The following CLEC16A variants were observed in gnomAD, a reference collection of about 807,000 sequenced individuals.
CLEC16A encodes C-type lectin domain containing 16A.
In CLEC16A, 51 loss-of-function variants were observed where a neutral mutation model predicts 109.5. That is an observed-to-expected ratio of 0.47 (90% CI 0.37 to 0.59). The LOEUF (loss-of-function observed/expected upper bound fraction) is 0.59, where lower values mean the gene tolerates loss of function less well. Ranked by LOEUF, CLEC16A falls within the 20% of genes least tolerant of loss-of-function variation. The pLI, the probability that CLEC16A is intolerant of heterozygous loss-of-function variation, is 0.00. For synonymous variants in CLEC16A, 673 were observed against 564.2 expected (o/e 1.19, Z -2.73); for missense variants, 1,339 against 1,394.0 (o/e 0.96, Z 0.63).
Position 10,954,104 on chromosome 16 carries a change from T to C in CLEC16A, c.81-3678T>C, listed in dbSNP as rs558592336. 5.3e-5 allele frequency among the ~76,000 whole-genome samples: 8 copies of C among 152,252 alleles called. No homozygotes were observed. In the East Asian group the frequency reaches 1.2e-3, roughly 22 times the overall value. ...GAAGAAAGCCCCCACGCAATATCACTGCATACCCAGCAGATGGCGCCACCG... is the reference window on the plus strand; with the variant it reads ...GAAGAAAGCCCCCACGCAATATCACCGCATACCCAGCAGATGGCGCCACCG... On this transcript the variant is annotated intron_variant, in intron 1 of 23. Transcript: ENST00000409790. The surrounding 1 kb of genome is among the most constrained non-coding windows in gnomAD (Gnocchi z 4.2).
intron 22 of CLEC16A, among the ~76,000 whole-genome samples, chr16:11,157,770 A>C (rs1373047426): frequency 6.6e-6 from 1 of 152,044 alleles, no homozygotes; most frequent in African/African-American, 2.4e-5. Flanking sequence ...TCAGCCCCCA[A>C]CACGTGCTCT....
chr16:11,010,646 C>T (rs1365639587), intron 11 of CLEC16A, among the ~76,000 whole-genome samples: 1 of 152,182 alleles, frequency 6.6e-6, no homozygotes, highest in Non-Finnish European at 1.5e-5. Context: ...TGTTCTCATT[C>T]ATGAGCACAG....
chr16:10,984,785 G>T (rs991333134), intron 10 of CLEC16A, among the ~76,000 whole-genome samples: 1 of 152,182 alleles, frequency 6.6e-6, no homozygotes, highest in Non-Finnish European at 1.5e-5. Flanking sequence ...GAATCAGCAG[G>T]GCCTCCAGTT....
At chr16:11,133,369 T>A (rs1480007839) in intron 22 of CLEC16A, among the ~76,000 whole-genome samples, 2 of 151,872 alleles carry the variant, frequency 1.3e-5, no homozygotes, top group African/African-American at 4.8e-5. Context: ...TTTTTGACTC[T>A]CCTGAGTATC....
intron 20 of CLEC16A, 43 bp from the exon 21 acceptor site, chr16:11,123,699 C>T: frequency 3.1e-6 from 5 of 1,603,936 alleles, no homozygotes; most frequent in Non-Finnish European, 4.3e-6. Context: ...CACCCTCCTC[C>T]CAAACCCAAC....
intron 3 of CLEC16A, among the ~76,000 whole-genome samples, chr16:10,966,235 C>G (rs1159722575): frequency 6.6e-6 from 1 of 152,198 alleles, no homozygotes; most frequent in Non-Finnish European, 1.5e-5. Flanking sequence ...AAGGAATGAA[C>G]TACTACCATT....
At chr16:11,003,432 A>G (rs1367325211) in intron 11 of CLEC16A, 127 bp downstream of exon 11, 24 of 712,484 alleles carry the variant, frequency 3.4e-5, no homozygotes, top group Non-Finnish European at 5.5e-5. Flanking sequence ...TTCGATTCCT[A>G]CCTCACACTG....
chr16:11,074,984 G>C (rs2049268399), intron 19 of CLEC16A, among the ~76,000 whole-genome samples: 1 of 152,152 alleles, frequency 6.6e-6, no homozygotes, highest in South Asian at 2.1e-4. Context: ...ACCAGCCTGG[G>C]CAGCATAGTG....
intron 19 of CLEC16A, among the ~76,000 whole-genome samples, chr16:11,066,052 C>T (rs1470271196): frequency 6.6e-6 from 1 of 152,188 alleles, no homozygotes; most frequent in African/African-American, 2.4e-5. Context: ...AGCATGGACT[C>T]AGGGGCCAGA....
At chr16:11,137,810 A>G (rs1162517282) in intron 22 of CLEC16A, among the ~76,000 whole-genome samples, 1 of 152,034 alleles carries the variant, frequency 6.6e-6, no homozygotes, top group African/African-American at 2.4e-5. Flanking sequence ...CTCCCTCTCA[A>G]AAAAAAGGGA....
intron 1 of CLEC16A, among the ~76,000 whole-genome samples, chr16:10,947,532 C>T (rs573090514): frequency 6.6e-5 from 10 of 152,168 alleles, no homozygotes; most frequent in South Asian, 4.1e-4. Context: ...GGGCGGGAGG[C>T]GGAGCACTGT....
At chr16:11,028,118 C>G (rs1254437949) in intron 13 of CLEC16A, among the ~76,000 whole-genome samples, 2 of 152,148 alleles carry the variant, frequency 1.3e-5, no homozygotes, top group South Asian at 2.1e-4. Context: ...GAGAATCGCT[C>G]AAACGTGGGA....
chr16:11,094,787 A>G (rs1208846858), intron 19 of CLEC16A, among the ~76,000 whole-genome samples: 1 of 152,208 alleles, frequency 6.6e-6, no homozygotes, highest in Non-Finnish European at 1.5e-5. Context: ...GTTGCCATGA[A>G]TTTTACGTGA....
intron 22 of CLEC16A, among the ~76,000 whole-genome samples, chr16:11,159,712 A>G (rs149807360): frequency 1.3e-5 from 2 of 150,012 alleles, no homozygotes; most frequent in African/African-American, 4.9e-5. Flanking sequence ...TGTCGTGTAG[A>G]TCGCCTGTTT....
chr16:10,960,813 T>A (rs1793980622), intron 2 of CLEC16A, among the ~76,000 whole-genome samples: 1 of 152,222 alleles, frequency 6.6e-6, no homozygotes, highest in Admixed American at 6.5e-5. Context: ...TGGGCTATAA[T>A]TCAGTATGTT....
At chr16:11,045,551 G>A (rs76830595) in intron 16 of CLEC16A, among the ~76,000 whole-genome samples, 4,172 of 152,160 alleles carry the variant, frequency 0.027, 130 homozygotes, top group Middle Eastern at 0.15. Flanking sequence ...TGGGTGGTGG[G>A]GGGTGGTGGG....
chr16:11,110,536 CAA>C (rs35930090), intron 19 of CLEC16A, among the ~76,000 whole-genome samples: 25,231 of 152,104 alleles, frequency 0.17, 2,246 homozygotes, highest in South Asian at 0.23. Flanking sequence ...CTCATTTAGT[CAA>C]GAGTTTGCAT....
chr16:11,163,210 C>T (rs566019016), intron 22 of CLEC16A, among the ~76,000 whole-genome samples: 3 of 152,336 alleles, frequency 2.0e-5, no homozygotes, highest in Non-Finnish European at 4.4e-5. Context: ...CCTGAATTCT[C>T]CCCAGCACCC....
At chr16:11,157,481 T>A (rs1166841252) in intron 22 of CLEC16A, among the ~76,000 whole-genome samples, 1 of 152,208 alleles carries the variant, frequency 6.6e-6, no homozygotes, top group East Asian at 1.9e-4. Flanking sequence ...CATCTGAGAC[T>A]TATTAAAGGG....
Sources: gnomAD v4.1 joint callset for allele counts (sites outside exome capture counted in the v4.1 genomes callset) on GRCh38, gnomAD v4.1.1 for gene constraint, Gnocchi (gnomAD v3.1) non-coding constraint, MANE v1.5 for transcripts, NCBI Gene and HGNC (gene_info 2026-07-23, HGNC 2026-07-21) for gene names.